Variants in ROBO2 observed in about 807,000 individuals in gnomAD.
ROBO2 encodes roundabout guidance receptor 2, also known as roundabout homolog 2.
A neutral mutation model predicts 160.8 loss-of-function variants in ROBO2; 53 were observed. The ratio of observed to expected loss-of-function variants is 0.33; its 90% CI spans 0.26 to 0.41. The LOEUF (loss-of-function observed/expected upper bound fraction) is 0.41, where lower values mean the gene tolerates loss of function less well. Ranked by LOEUF, ROBO2 falls within the 10% of genes least tolerant of loss-of-function variation. The pLI is 1.00. For missense variants in ROBO2, 1,577 were observed against 1,722.4 expected, an observed-to-expected ratio of 0.92 and a Z score of 1.49; for synonymous variants, 664 against 611.7, an observed-to-expected ratio of 1.09 and a Z score of -1.26.
chr3:76,398,851 T>C (rs1433446181), intron 2 of ROBO2, among the ~76,000 whole-genome samples: 3 of 151,870 alleles, frequency 2.0e-5, no homozygotes, highest in Non-Finnish European at 4.4e-5. Flanking sequence ...TAGTTTAATA[T>C]ATTGCCTAGA....
intron 2 of ROBO2, among the ~76,000 whole-genome samples, chr3:77,302,270 A>T (rs1030475503): frequency 6.6e-6 from 1 of 152,240 alleles, no homozygotes; most frequent in South Asian, 2.1e-4. Context: ...AATAAAAAAA[A>T]AGATATTAAT....
chr3:76,699,497 G>C, intron 2 of ROBO2, among the ~76,000 whole-genome samples: 1 of 152,100 alleles, frequency 6.6e-6, no homozygotes, highest in East Asian at 1.9e-4. Flanking sequence ...GTGTGTGTCT[G>C]TACAAAAGAT....
chr3:76,139,529 G>A (rs1273413286), intron 2 of ROBO2, among the ~76,000 whole-genome samples: 1 of 151,846 alleles, frequency 6.6e-6, no homozygotes, highest in African/African-American at 2.4e-5. Context: ...GAGCTTGGTG[G>A]GTAGGGCAAG....
intron 2 of ROBO2, among the ~76,000 whole-genome samples, chr3:76,035,490 G>A (rs541437971): frequency 6.6e-6 from 1 of 151,790 alleles, no homozygotes; most frequent in African/African-American, 2.4e-5. Context: ...CTGAGGATGC[G>A]CTAGGCTAGA....
chr3:77,013,971 T>C (rs889080022), intron 2 of ROBO2, among the ~76,000 whole-genome samples: 3 of 152,208 alleles, frequency 2.0e-5, no homozygotes, highest in Admixed American at 1.3e-4. Flanking sequence ...TTTTAGATGG[T>C]ATAAACATAT....
intron 2 of ROBO2, among the ~76,000 whole-genome samples, chr3:76,396,022 AAG>A (rs2077426337): frequency 6.6e-6 from 1 of 152,168 alleles, no homozygotes. Context: ...ACAACTAAAA[AAG>A]AGAATTTTAG....
intron 2 of ROBO2, among the ~76,000 whole-genome samples, chr3:77,134,598 T>G (rs918168643): frequency 6.6e-6 from 1 of 152,190 alleles, no homozygotes; most frequent in Non-Finnish European, 1.5e-5. Context: ...AACCAACAGC[T>G]CTGCCGTGAG....
At chr3:76,143,508 T>C (rs1008450958) in intron 2 of ROBO2, among the ~76,000 whole-genome samples, 3 of 152,116 alleles carry the variant, frequency 2.0e-5, no homozygotes, top group Admixed American at 6.6e-5. Flanking sequence ...ATATTTTGCA[T>C]ATCTCTATTG....
At chr3:77,391,541 A>T (rs1478851387) in intron 2 of ROBO2, among the ~76,000 whole-genome samples, 1 of 151,878 alleles carries the variant, frequency 6.6e-6, no homozygotes, top group Non-Finnish European at 1.5e-5. Flanking sequence ...CTCCTTTATA[A>T]AACCATCAGA....
At chr3:76,372,962 T>G (rs572820705) in intron 2 of ROBO2, among the ~76,000 whole-genome samples, 12 of 152,064 alleles carry the variant, frequency 7.9e-5, no homozygotes, top group Non-Finnish European at 1.5e-4. Context: ...ACATTATTGG[T>G]TGAAAGTGAA....
intron 2 of ROBO2, among the ~76,000 whole-genome samples, chr3:76,298,534 C>T (rs1049832376): frequency 6.6e-5 from 10 of 152,162 alleles, no homozygotes; most frequent in Non-Finnish European, 1.3e-4. Flanking sequence ...ATAGATTCTA[C>T]ATCTTGGCAC....
intron 2 of ROBO2, among the ~76,000 whole-genome samples, chr3:76,345,254 A>C (rs1422748368): frequency 6.6e-6 from 1 of 152,088 alleles, no homozygotes; most frequent in South Asian, 2.1e-4. Context: ...TGGAGACCCA[A>C]GTCATGGGAA....
At chr3:76,294,422 T>C (rs1295163866) in intron 2 of ROBO2, among the ~76,000 whole-genome samples, 1 of 152,200 alleles carries the variant, frequency 6.6e-6, no homozygotes, top group East Asian at 1.9e-4. Context: ...TGAACCTGTT[T>C]AATAGAGCAG....
At chr3:76,789,022 C>T (rs973610257) in intron 2 of ROBO2, among the ~76,000 whole-genome samples, 3 of 151,468 alleles carry the variant, frequency 2.0e-5, no homozygotes, top group Non-Finnish European at 4.4e-5. Context: ...GGGTGTTAAA[C>T]ATTTATACAT....
chr3:76,325,796 G>A (rs927955114), intron 2 of ROBO2, among the ~76,000 whole-genome samples: 1 of 151,674 alleles, frequency 6.6e-6, no homozygotes, highest in Non-Finnish European at 1.5e-5. Context: ...GTAAAAACAC[G>A]TGGAAAGGCA....
chr3:76,812,468 A>C (rs2065275278), intron 2 of ROBO2, among the ~76,000 whole-genome samples: 1 of 151,442 alleles, frequency 6.6e-6, no homozygotes. Flanking sequence ...TTTTTGGGGG[A>C]CTTGAGTGAA....
chr3:76,081,175 A>C (rs527985484), intron 2 of ROBO2, among the ~76,000 whole-genome samples: 1 of 151,952 alleles, frequency 6.6e-6, no homozygotes, highest in East Asian at 1.9e-4. Context: ...ACATATATAT[A>C]TATTCTATTC....
intron 2 of ROBO2, among the ~76,000 whole-genome samples, chr3:76,945,431 C>G (rs2078469872): frequency 6.8e-6 from 1 of 147,590 alleles, no homozygotes; most frequent in Non-Finnish European, 1.5e-5. Flanking sequence ...TGAATAAATG[C>G]TTGGAGTGAT....
At chr3:76,895,807 T>TTCTA (rs2074724613) in intron 2 of ROBO2, among the ~76,000 whole-genome samples, 1 of 152,236 alleles carries the variant, frequency 6.6e-6, no homozygotes, top group African/African-American at 2.4e-5. Context: ...TACTTTAGAA[T>TTCTA]AAGACATTTT....
Sources: allele counts gnomAD v4.1 joint callset (sites outside exome capture counted in the v4.1 genomes callset), GRCh38; gene constraint gnomAD v4.1.1; transcripts MANE v1.5; gene names NCBI Gene and HGNC (gene_info 2026-07-23, HGNC 2026-07-21).